Variants in DAB1 observed in about 807,000 individuals in gnomAD.
DAB1 encodes the protein DAB adaptor protein 1, also known as disabled homolog 1.
A neutral mutation model predicts 64.6 loss-of-function variants in DAB1; 15 were observed. The observed-to-expected ratio is 0.23, with a 90% CI of 0.16 to 0.36. DAB1 has a LOEUF of 0.36. Ranked by LOEUF, DAB1 falls within the 10% of genes least tolerant of loss-of-function variation. The pLI is 1.00. For missense variants in DAB1, 596 were observed against 706.7 expected (o/e 0.84, Z 1.78); for synonymous variants, 235 against 251.9 (o/e 0.93, Z 0.64).
At chr1:57,869,774 C>A (rs1330493821) in intron 1 of DAB1, among the ~76,000 whole-genome samples, 1 of 152,092 alleles carries the variant, frequency 6.6e-6, no homozygotes, top group Admixed American at 6.6e-5. Flanking sequence ...AACTAGGATG[C>A]TGGGTAGAAT....
rs182871050 is a variant in DAB1, at chr1:57,131,830, C to T, written c.306+4713G>A. Among the ~76,000 whole-genome samples the T allele has an allele frequency of 1.7e-3, 256 of 152,226 alleles. 1 individual carries two copies. The highest frequency in any genetic ancestry group is 5.8e-3 in the African/African-American group (243 of 41,558). On this transcript the variant is annotated intron_variant, in intron 4 of 14. Coordinates refer to ENST00000371236, the MANE Select transcript of DAB1 (RefSeq NM_001365792.1). ...GCCTTAGTCATTTTGTGTACATTTG[C>T]TGATTCTTAACCGTGAAGTCATTTT...
intron 7 of DAB1, among the ~76,000 whole-genome samples, chr1:57,647,998 A>T (rs1280058191): frequency 1.3e-5 from 2 of 152,248 alleles, no homozygotes; most frequent in Non-Finnish European, 2.9e-5. Flanking sequence ...GGCAGAATGC[A>T]TTAAAGAGAT....
intron 9 of DAB1, among the ~76,000 whole-genome samples, chr1:57,060,567 GA>G (rs1207095148): frequency 6.6e-6 from 1 of 152,132 alleles, no homozygotes; most frequent in Non-Finnish European, 1.5e-5. Context: ...AAGTAATAGG[GA>G]AAAAGTGCTA....
At chr1:57,710,683 C>T (rs1447340367) in intron 6 of DAB1, among the ~76,000 whole-genome samples, 1 of 151,828 alleles carries the variant, frequency 6.6e-6, no homozygotes, top group Admixed American at 6.6e-5. Context: ...CTTTAGGACT[C>T]TTGTAGTTTC....
chr1:57,417,480 A>G (rs1027956195), intron 1 of DAB1, among the ~76,000 whole-genome samples: 1 of 152,168 alleles, frequency 6.6e-6, no homozygotes, highest in Non-Finnish European at 1.5e-5. Flanking sequence ...ATTTTTCCCA[A>G]TCTATTTCAT....
intron 11 of DAB1, among the ~76,000 whole-genome samples, chr1:57,023,292 G>A (rs1646679394): frequency 6.6e-6 from 1 of 152,234 alleles, no homozygotes; most frequent in South Asian, 2.1e-4. Context: ...GCACACCTGA[G>A]TAACATAGAA....
intron 1 of DAB1, among the ~76,000 whole-genome samples, chr1:57,375,532 G>T (rs961009010): frequency 6.6e-6 from 1 of 152,190 alleles, no homozygotes; most frequent in African/African-American, 2.4e-5. Flanking sequence ...CAGAAAAGGA[G>T]CCTGGGACAC....
chr1:57,417,445 T>G lies in DAB1; in HGVS notation c.-137+6485A>C, dbSNP rs551227857. On this transcript the variant is annotated intron_variant, in intron 1 of 14. Coordinates refer to ENST00000371236, the MANE Select transcript of DAB1 (RefSeq NM_001365792.1). ...TTTCATGATAGAATGAAAACTACTC[T>G]TAAAAGGCTTAAGTGATTCTCTACA... 5.9e-5 allele frequency among the ~76,000 whole-genome samples: 9 copies of G among 152,298 alleles called. No individual in the cohort carries two copies. The South Asian group carries it at 1.2e-3, about 21-fold the overall frequency.
chr1:57,110,550 G>A lies in DAB1; in HGVS notation c.306+25993C>T, dbSNP rs370242777. ...TGGTTACATCTATTAAAAACAATTCGTTGATTCACTCAACGTATTTAGTGA... is the reference window on the plus strand; with the variant it reads ...TGGTTACATCTATTAAAAACAATTCATTGATTCACTCAACGTATTTAGTGA... On this transcript the variant is annotated intron_variant, in intron 4 of 14. Coordinates refer to ENST00000371236, the MANE Select transcript of DAB1 (RefSeq NM_001365792.1). Among the ~76,000 whole-genome samples the A allele has an allele frequency of 3.0e-4, 46 of 152,276 alleles. 1 individual carries two copies. Among genetic ancestry groups the A allele is most frequent in the East Asian group, 9.6e-4 (5 of 5,184 alleles).
chr1:57,806,777 T>A (rs796887245), intron 6 of DAB1, among the ~76,000 whole-genome samples: 14 of 152,288 alleles, frequency 9.2e-5, no homozygotes, highest in African/African-American at 3.4e-4. Context: ...AGTAAACCAT[T>A]CTTTGGGTAC....
chr1:57,606,197 T>TTTTTTTTTTTTGAGACGG (rs1553199400), intron 7 of DAB1: 4 of 248,564 alleles, frequency 1.6e-5, no homozygotes, highest in Non-Finnish European at 2.4e-5. Flanking sequence ...CCGGTATTTT[T>TTTTTTTTTTTTGAGACGG]AAAAGTCATG....
chr1:57,132,537 G>A (rs963430794), intron 4 of DAB1, among the ~76,000 whole-genome samples: 10 of 152,078 alleles, frequency 6.6e-5, no homozygotes, highest in African/African-American at 1.9e-4. Context: ...AACTTTTTGA[G>A]CCCTGACATG....
At chr1:57,683,149 C>T (rs553782444) in intron 6 of DAB1, among the ~76,000 whole-genome samples, 2 of 152,300 alleles carry the variant, frequency 1.3e-5, no homozygotes, top group South Asian at 4.1e-4. Context: ...AGAGGAGGAG[C>T]CCCTACTCTT....
At chr1:58,342,158 C>T (rs766619946) in intron 4 of DAB1, among the ~76,000 whole-genome samples, 4 of 152,130 alleles carry the variant, frequency 2.6e-5, no homozygotes, top group Non-Finnish European at 5.9e-5. Context: ...AGTGTGAGTT[C>T]CACTGTTTTG....
chr1:57,011,667 T>C (rs1557536462), intron 12 of DAB1, among the ~76,000 whole-genome samples: 1 of 152,252 alleles, frequency 6.6e-6, no homozygotes, highest in Non-Finnish European at 1.5e-5. Context: ...ACTACTGGGC[T>C]ATGGTTTGCT....
chr1:58,238,613 A>T (rs480949), intron 4 of DAB1, among the ~76,000 whole-genome samples: 85,826 of 152,054 alleles, frequency 0.56, 25,104 homozygotes, highest in Non-Finnish European at 0.66. Context: ...CCTGAGGATT[A>T]GTAAACAAAT....
At chr1:58,312,165 G>A (rs1662445394) in intron 4 of DAB1, among the ~76,000 whole-genome samples, 1 of 152,160 alleles carries the variant, frequency 6.6e-6, no homozygotes, top group South Asian at 2.1e-4. Flanking sequence ...ATCCCTGCTC[G>A]GTGTGTGGCT....
intron 7 of DAB1, among the ~76,000 whole-genome samples, chr1:57,513,251 T>C (rs1644425820): frequency 6.6e-6 from 1 of 152,078 alleles, no homozygotes; most frequent in Non-Finnish European, 1.5e-5. Flanking sequence ...CCCTAGACCT[T>C]CACACTTGCT....
At chr1:57,949,565 C>A (rs557777318) in intron 5 of DAB1, among the ~76,000 whole-genome samples, 16 of 145,828 alleles carry the variant, frequency 1.1e-4, no homozygotes, top group Admixed American at 4.7e-4. Flanking sequence ...CACACACACA[C>A]AATATATATA....
Sources: gnomAD v4.1 joint callset for allele counts (sites outside exome capture counted in the v4.1 genomes callset) on GRCh38, gnomAD v4.1.1 for gene constraint, MANE v1.5 for transcripts, NCBI Gene and HGNC (gene_info 2026-07-23, HGNC 2026-07-21) for gene names.